The following FSTL4 variants were observed in gnomAD, a reference collection of about 807,000 sequenced individuals.
FSTL4 encodes the protein follistatin-related protein 4.
A neutral mutation model predicts 78.2 loss-of-function variants in FSTL4; 28 were observed. The ratio of observed to expected loss-of-function variants is 0.36; its 90% CI spans 0.27 to 0.49. The LOEUF is 0.49. FSTL4 is among the 20% of genes least tolerant of loss of function. The pLI, the probability that FSTL4 is intolerant of heterozygous loss-of-function variation, is 0.98. For missense variants in FSTL4, 922 were observed against 1,084.9 expected (o/e 0.85, Z 2.11); for synonymous variants, 422 against 440.5 (o/e 0.96, Z 0.53).
chr5:133,809,230 G>A, the FSTL4 span, among the ~76,000 whole-genome samples: 2 of 152,114 alleles, frequency 1.3e-5, no homozygotes, highest in African/African-American at 4.8e-5. Context: ...AGCTGGGCAT[G>A]GTGGTGCATG....
intron 11 of FSTL4, among the ~76,000 whole-genome samples, chr5:133,222,684 C>T (rs1035689679): frequency 3.3e-5 from 5 of 152,226 alleles, no homozygotes; most frequent in African/African-American, 4.8e-5. Flanking sequence ...GCTCAACAAA[C>T]AGTCATTCAA....
At position 133,334,907 on chromosome 5, in the gene FSTL4, G is replaced by A. The variant is rs1281577575; in HGVS notation, c.410-18255C>T. ...TGGGTGGGGGTGTGGGTTTTGCCAAGCAGCCTTAGGAGAAGAATACAAGGC... is the reference window on the plus strand; with the variant it reads ...TGGGTGGGGGTGTGGGTTTTGCCAAACAGCCTTAGGAGAAGAATACAAGGC... On this transcript the variant is annotated intron_variant, in intron 4 of 15. Transcript: ENST00000265342. Among the ~76,000 whole-genome samples, 5 of 152,274 alleles carry A rather than the reference G, an allele frequency of 3.3e-5. No individual in the cohort carries two copies. The East Asian group carries it at 5.8e-4, about 18-fold the overall frequency.
At chr5:133,786,207 C>T in the FSTL4 span, among the ~76,000 whole-genome samples, 1 of 152,196 alleles carries the variant, frequency 6.6e-6, no homozygotes, top group South Asian at 2.1e-4. Context: ...AGCAGGTCAT[C>T]CTGGACTTTA....
At chr5:133,425,327 A>T (rs1035239927) in intron 3 of FSTL4, among the ~76,000 whole-genome samples, 6 of 152,220 alleles carry the variant, frequency 3.9e-5, no homozygotes, top group Non-Finnish European at 7.3e-5. Context: ...TCCCAGCAGG[A>T]GACCCAGAGC....
In FSTL4 at chr5:133,383,900, A is replaced by G. The variant is rs561805228; in HGVS notation, c.409+16838T>C. Among the ~76,000 whole-genome samples, 5 of 152,258 alleles carry G rather than the reference A, an allele frequency of 3.3e-5. No homozygotes were observed. In the South Asian group the frequency reaches 1.0e-3, roughly 32 times the overall value. On this transcript the variant is annotated intron_variant, in intron 4 of 15. Transcript: ENST00000265342. ...GCCACTCCTCTCCCTCCAATTGTGG[A>G]CTGTTCTTTTGTTCTGAGAAATCCG...
chr5:133,559,315 T>A (rs1759864176), intron 3 of FSTL4, among the ~76,000 whole-genome samples: 1 of 152,210 alleles, frequency 6.6e-6, no homozygotes, highest in Admixed American at 6.5e-5. Context: ...TTTCAAGGGT[T>A]CCTGAAAAGC....
At chr5:133,245,969 A>G (rs947896585) in intron 7 of FSTL4, among the ~76,000 whole-genome samples, 2 of 152,252 alleles carry the variant, frequency 1.3e-5, no homozygotes, top group Non-Finnish European at 2.9e-5. Flanking sequence ...CTTAACAGAT[A>G]AGACAAATTA....
chr5:133,601,613 C>T (rs991079939), intron 2 of FSTL4, among the ~76,000 whole-genome samples: 2 of 152,068 alleles, frequency 1.3e-5, no homozygotes, highest in African/African-American at 4.8e-5. Context: ...GGGCTGCAAA[C>T]AAACCGATTA....
At chr5:133,617,441 A>C (rs1188962998), upstream of FSTL4, among the ~76,000 whole-genome samples, 3 of 152,258 alleles carry the variant, frequency 2.0e-5, no homozygotes, top group Non-Finnish European at 4.4e-5. Context: ...TACTCAATAC[A>C]GCACAGTTAA....
the FSTL4 span, among the ~76,000 whole-genome samples, chr5:133,806,591 T>C: frequency 6.6e-6 from 1 of 152,210 alleles, no homozygotes; most frequent in Non-Finnish European, 1.5e-5. Context: ...TTCTTATTAA[T>C]GCAGCCCAAA....
intron 4 of FSTL4, among the ~76,000 whole-genome samples, chr5:133,341,894 C>G (rs1457513913): frequency 6.6e-6 from 1 of 152,194 alleles, no homozygotes; most frequent in Non-Finnish European, 1.5e-5. Flanking sequence ...CAGTCAACCC[C>G]CACCTCTCCA....
At chr5:133,470,613 C>T (rs1218012117) in intron 3 of FSTL4, among the ~76,000 whole-genome samples, 2 of 152,062 alleles carry the variant, frequency 1.3e-5, no homozygotes, top group East Asian at 1.9e-4. Flanking sequence ...AGAGTAGTGG[C>T]GCGTGCCTGT....
chr5:133,564,491 G>T (rs1316696609), intron 3 of FSTL4, among the ~76,000 whole-genome samples: 1 of 152,180 alleles, frequency 6.6e-6, no homozygotes, highest in Non-Finnish European at 1.5e-5. Context: ...TGTGTAGCTT[G>T]CACTTACTTT....
chr5:133,735,170 G>GA, the FSTL4 span, among the ~76,000 whole-genome samples: 4 of 151,588 alleles, frequency 2.6e-5, no homozygotes, highest in Admixed American at 1.3e-4. Flanking sequence ...CATGAATTTA[G>GA]AAAAAAAAGG....
At chr5:133,708,828 T>C in the FSTL4 span, among the ~76,000 whole-genome samples, 1 of 152,084 alleles carries the variant, frequency 6.6e-6, no homozygotes, top group Non-Finnish European at 1.5e-5. Flanking sequence ...TGAGATGGGG[T>C]TGGGAGAGAA....
At chr5:133,790,277 C>T in the FSTL4 span, among the ~76,000 whole-genome samples, 5 of 152,192 alleles carry the variant, frequency 3.3e-5, no homozygotes, top group African/African-American at 1.2e-4. Flanking sequence ...CTGGCTCTGA[C>T]CTATAGTAGC....
At chr5:133,558,870 A>G (rs1306652830) in intron 3 of FSTL4, among the ~76,000 whole-genome samples, 1 of 152,216 alleles carries the variant, frequency 6.6e-6, no homozygotes, top group Non-Finnish European at 1.5e-5. Flanking sequence ...GGCCAAATGC[A>G]GAGTGAGTGA....
chr5:133,269,580 G>A (rs1752723125), intron 6 of FSTL4, among the ~76,000 whole-genome samples: 1 of 152,244 alleles, frequency 6.6e-6, no homozygotes, highest in Non-Finnish European at 1.5e-5. Flanking sequence ...TGAAGGATAT[G>A]TTCTTAGGAA....
At chr5:133,674,664 T>G in the FSTL4 span, among the ~76,000 whole-genome samples, 2 of 152,034 alleles carry the variant, frequency 1.3e-5, no homozygotes, top group African/African-American at 2.4e-5. Context: ...GAGAGCGACC[T>G]TTTTTGGTTC....
Sources: allele counts gnomAD v4.1 joint callset (sites outside exome capture counted in the v4.1 genomes callset), GRCh38; gene constraint gnomAD v4.1.1; transcripts MANE v1.5; gene names NCBI Gene and HGNC (gene_info 2026-07-23, HGNC 2026-07-21).